TDRD10: variants seen among roughly 807,000 people sequenced by gnomAD.
TDRD10 encodes tudor domain-containing protein 10.
Under a neutral mutation model 48.0 loss-of-function variants are expected in TDRD10, and 40 were observed. The observed-to-expected ratio is 0.83, with a 90% CI of 0.65 to 1.09. TDRD10 has a LOEUF of 1.09. Ranked by LOEUF, TDRD10 falls within the 50% of genes least tolerant of loss-of-function variation. The pLI is 0.00. For synonymous variants in TDRD10, 162 were observed against 170.4 expected (o/e 0.95, Z 0.38); for missense variants, 378 against 434.7 (o/e 0.87, Z 1.16).
At chr1:154,539,262 A>G (rs1204230637) in intron 6 of TDRD10, among the ~76,000 whole-genome samples, 1 of 152,182 alleles carries the variant, frequency 6.6e-6, no homozygotes, top group East Asian at 1.9e-4. Context: ...TAGAGAGTGA[A>G]GAATTTGCCC....
At chr1:154,523,789 C>T (rs1356338072) in intron 6 of TDRD10, among the ~76,000 whole-genome samples, 2 of 152,156 alleles carry the variant, frequency 1.3e-5, no homozygotes, top group Non-Finnish European at 2.9e-5. Flanking sequence ...ACCCTCTGAG[C>T]CCCTGAAGAC....
chr1:154,510,449 G>A (rs1161980955), intron 4 of TDRD10, among the ~76,000 whole-genome samples: 1 of 151,596 alleles, frequency 6.6e-6, no homozygotes, highest in African/African-American at 2.4e-5. Context: ...AAAATTAGAC[G>A]GGTATGGTGG....
At chr1:154,531,904 T>G (rs1316228732) in intron 6 of TDRD10, among the ~76,000 whole-genome samples, 1 of 152,152 alleles carries the variant, frequency 6.6e-6, no homozygotes, top group Non-Finnish European at 1.5e-5. Flanking sequence ...ATACAGAGTG[T>G]CGATTGGTGT....
intron 4 of TDRD10, among the ~76,000 whole-genome samples, chr1:154,516,666 G>A (rs1476981670): frequency 6.6e-6 from 1 of 152,216 alleles, no homozygotes; most frequent in Non-Finnish European, 1.5e-5. Context: ...GGGGCCAGGA[G>A]CATTGCACGG....
At chr1:154,544,308 G>A (rs905407949) in intron 9 of TDRD10, 64 bp from the exon 10 acceptor site, 12 of 1,548,796 alleles carry the variant, frequency 7.7e-6, no homozygotes, top group African/African-American at 2.7e-5. Context: ...AACAGGTGAC[G>A]TCTACGGAGG....
rs926777464 is a variant in TDRD10, at chr1:154,502,944, G to C, written c.-113G>C. On this transcript the variant is annotated 5_prime_UTR_variant, in exon 1 of 13. Coordinates refer to ENST00000368482, the MANE Select transcript of TDRD10 (RefSeq NM_182499.4). ...GGCAAGCCCCGCCCCGTGCCCCCGG[G>C]CTCAGAGGGGGCGGAGCGCGGAGGG... The C allele has an allele frequency of 6.6e-6, 1 of 152,452 alleles. No homozygotes were observed. The highest frequency in any genetic ancestry group is 6.5e-5 in the Admixed American group (1 of 15,292). The allele number at this position is 152,452 out of a possible 1,614,324, so 9.4% of individuals were successfully genotyped here. A position where few individuals can be genotyped will look rare whatever the true frequency, so the allele number is the denominator to read the frequency against.
At position 154,542,796 on chromosome 1, in the gene TDRD10, T is replaced by G. The variant is rs763303698; in HGVS notation, c.478T>G (p.Phe160Val). Residue 160 changes from phenylalanine (F) to valine (V), a missense_variant, in exon 8 of 13, where the codon TTC becomes GTC. By Grantham distance (50) the Phe-to-Val change is conservative. Coordinates refer to ENST00000368482, the MANE Select transcript of TDRD10 (RefSeq NM_182499.4). ...TGAGACAGAGAAACTGAGGGCAGCC[T>G]TCTTTGCAGTCCCGTTGGAAATGAG... ...LCETEKLRAA[F>V]FAVPLEMRGS... The G allele has an allele frequency of 5.6e-6, 9 of 1,613,932 alleles. No individual in the cohort carries two copies. The highest frequency in any genetic ancestry group is 6.8e-6 in the Non-Finnish European group (8 of 1,179,864).
rs774532547 is a variant in TDRD10 at position 154,544,029 on chromosome 1, TA to T, written c.571del (p.Ser191AlafsTer10). The T allele has an allele frequency of 3.7e-6, 6 of 1,613,578 alleles. No individual in the cohort carries two copies. In the Admixed American group the frequency reaches 1.0e-4, roughly 27 times the overall value. ...ACCTGAGCTGGCTGGCACTCATCCA[TA>T]GCGTCCGTGGGGAGGCGGGGCTGCT... ...RDLSWLALIHSVRGEAGLLVT... is the reference protein window; with the variant it reads ...RDLSWLALIHXVRGEAGLLVT... On this transcript the variant is annotated frameshift_variant, in exon 9 of 13. Transcript: ENST00000368482. LOFTEE classifies it high-confidence loss of function.
intron 6 of TDRD10, among the ~76,000 whole-genome samples, chr1:154,533,327 G>A (rs1199464381): frequency 6.6e-6 from 1 of 150,754 alleles, no homozygotes; most frequent in East Asian, 1.9e-4. Flanking sequence ...CTGGTGCTTT[G>A]GCTAGAAAGA....
intron 6 of TDRD10, among the ~76,000 whole-genome samples, chr1:154,523,726 G>T (rs1278471070): frequency 6.6e-6 from 1 of 152,078 alleles, no homozygotes; most frequent in African/African-American, 2.4e-5. Flanking sequence ...CTAGGTTATA[G>T]CTTGCAGAAC....
intron 11 of TDRD10, among the ~76,000 whole-genome samples, chr1:154,546,451 T>A (rs894850210): frequency 1.4e-5 from 2 of 146,438 alleles, no homozygotes; most frequent in African/African-American, 2.5e-5. Flanking sequence ...GTAATATATA[T>A]TATATATTAT....
Position 154,544,414 on chromosome 1 carries a change from C to G in TDRD10, c.694C>G (p.Gln232Glu), listed in dbSNP as rs760459283. ...GCAGGCTCTGTTTAGCACCCTGGCT[C>G]AGGCGGAGGAGCAGCAGCCCTACCT... ...NMQALFSTLA[Q>E]AEEQQPYLEG... is the part of the protein sequence containing the mutation. Residue 232 changes from glutamine (Q) to glutamate (E), a missense_variant, in exon 10 of 13, where the codon CAG (glutamine) becomes GAG (glutamate). By Grantham distance (29) the Gln-to-Glu change is conservative. This residue lies in a region of TDRD10 where 310 missense variants were observed against 323.6 expected (regional missense o/e 0.96). Transcript: ENST00000368482. 6.2e-7 allele frequency: 1 copy of G among 1,602,694 alleles called. No individual in the cohort carries two copies. Among genetic ancestry groups the G allele is most frequent in the Non-Finnish European group, 8.5e-7 (1 of 1,175,244 alleles).
At chr1:154,519,417 T>A (rs1693937204) in intron 4 of TDRD10, among the ~76,000 whole-genome samples, 3 of 152,208 alleles carry the variant, frequency 2.0e-5, no homozygotes, top group Admixed American at 1.3e-4. Flanking sequence ...GAAAAATTGG[T>A]TTTCATCATG....
chr1:154,543,732 T>C (rs1695380190), intron 8 of TDRD10, among the ~76,000 whole-genome samples: 1 of 152,132 alleles, frequency 6.6e-6, no homozygotes, highest in Non-Finnish European at 1.5e-5. Context: ...TTTCCTGAAC[T>C]CTTCAACCCC....
rs186616207 is a variant in TDRD10 at position 154,525,715 on chromosome 1, G to A, written c.369+4236G>A. On this transcript the variant is annotated intron_variant, in intron 6 of 12. Transcript: ENST00000368482. ...TCAAGACCAGCCTAGCCAACATGGC[G>A]AAACCCCATCTCTACTAAAAAATAC... is the stretch of plus-strand genomic sequence containing the variant. Among the ~76,000 whole-genome samples the A allele has an allele frequency of 9.2e-5, 14 of 152,208 alleles. No homozygotes were observed. In the South Asian group the frequency reaches 1.5e-3, roughly 16 times the overall value.
chr1:154,513,013 C>A (rs1315067730), intron 4 of TDRD10, among the ~76,000 whole-genome samples: 1 of 152,048 alleles, frequency 6.6e-6, no homozygotes, highest in East Asian at 1.9e-4. Context: ...ACGGGAATGG[C>A]CATGAATTGA....
intron 1 of TDRD10, among the ~76,000 whole-genome samples, chr1:154,504,655 A>G (rs1693043703): frequency 6.6e-6 from 1 of 152,174 alleles, no homozygotes; most frequent in East Asian, 1.9e-4. Context: ...TCATGTGCTT[A>G]TTGGCCATTT....
chr1:154,504,657 T>C (rs191656147), intron 1 of TDRD10, among the ~76,000 whole-genome samples: 2 of 152,380 alleles, frequency 1.3e-5, no homozygotes, highest in Non-Finnish European at 2.9e-5. Context: ...ATGTGCTTAT[T>C]GGCCATTTGT....
chr1:154,509,752 T>A (rs992138742), intron 4 of TDRD10: 2 of 958,108 alleles, frequency 2.1e-6, no homozygotes, highest in African/African-American at 3.5e-5. Flanking sequence ...TGGCACCTGA[T>A]AGACGAGCCT....
Sources: allele counts gnomAD v4.1 joint callset (sites outside exome capture counted in the v4.1 genomes callset), GRCh38; gene constraint gnomAD v4.1.1; regional missense constraint gnomAD v4.1.1; transcripts MANE v1.5; gene names NCBI Gene and HGNC (gene_info 2026-07-23, HGNC 2026-07-21).